AAK1: variants seen among roughly 807,000 people sequenced by gnomAD.
The protein encoded by AAK1 is AP2-associated protein kinase 1.
A neutral mutation model predicts 116.0 loss-of-function variants in AAK1; 37 were observed. That is an observed-to-expected ratio of 0.32 (90% confidence interval 0.25 to 0.42). AAK1 has a LOEUF of 0.42. Ranked by LOEUF, AAK1 falls within the 10% of genes least tolerant of loss-of-function variation. AAK1 has a pLI of 1.00. For missense variants in AAK1, 919 were observed against 1,170.6 expected, an observed-to-expected ratio of 0.79 and a Z score of 3.14; for synonymous variants, 458 against 439.9, an observed-to-expected ratio of 1.04 and a Z score of -0.51.
In AAK1 at chr2:69,466,688, T is replaced by A. The variant is rs1019539594; in HGVS notation, c.*9181A>T. On this transcript the variant is annotated 3_prime_UTR_variant, in exon 22 of 22. Transcript: ENST00000409085. ...AAATGCAACAGGAAAAACATAAAAA[T>A]AAAAGTCAGGCAAGGAAACTGCACA... 7.2e-6 allele frequency: 8 copies of A among 1,107,564 alleles called. No homozygotes were observed. The highest frequency in any genetic ancestry group is 8.9e-6 in the Non-Finnish European group (8 of 900,540). 68.6% of individuals were successfully genotyped at this position (1,107,564 alleles called of 1,614,324 possible).
At chr2:69,585,869 C>T (rs556622963) in intron 2 of AAK1, among the ~76,000 whole-genome samples, 16 of 152,224 alleles carry the variant, frequency 1.1e-4, no homozygotes, top group African/African-American at 3.9e-4. Context: ...CCATATTTTA[C>T]AGATGTGGAA....
rs544518790 is a variant in AAK1, at chr2:69,595,507, C to T, written c.164-38529G>A. On this transcript the variant is annotated intron_variant, in intron 2 of 21. Transcript: ENST00000409085. ...ACAAACCTGCCAAAACATTCCCTTA[C>T]GCCAAAGTCTAATCTAGAGCTAGGC... Among the ~76,000 whole-genome samples the T allele has an allele frequency of 5.3e-5, 8 of 152,316 alleles. No homozygotes were observed. The East Asian group carries it at 1.4e-3, about 26-fold the overall frequency.
intron 11 of AAK1, 92 bp from the exon 12 acceptor site, chr2:69,519,332 A>G: frequency 6.9e-7 from 1 of 1,444,148 alleles, no homozygotes; most frequent in African/African-American, 1.4e-5. Context: ...AGGGGGTGAC[A>G]AGTGTGCAGA....
At chr2:69,514,828 A>C in intron 12 of AAK1, 79 bp from the exon 13 acceptor site, 2 of 1,445,418 alleles carry the variant, frequency 1.4e-6, no homozygotes, top group Non-Finnish European at 1.8e-6. Flanking sequence ...AAAAACAATG[A>C]AGACCAGTGC....
At position 69,505,305 on chromosome 2, in the gene AAK1, A is replaced by T. The variant is rs1032606018; in HGVS notation, c.2269+264T>A. 2.6e-5 allele frequency among the ~76,000 whole-genome samples: 4 copies of T among 152,236 alleles called. No homozygotes were observed. The South Asian group carries it at 8.3e-4, about 31-fold the overall frequency. On this transcript the variant is annotated intron_variant, in intron 16 of 21. Coordinates refer to ENST00000409085, the MANE Select transcript of AAK1 (RefSeq NM_014911.5). ...TAAGACGTGCCTGTGGACTAGAGAGAACAAGTCCTGCATATTACTGCCAGA... is the reference window on the plus strand; with the variant it reads ...TAAGACGTGCCTGTGGACTAGAGAGTACAAGTCCTGCATATTACTGCCAGA...
At chr2:69,485,978 A>C (rs1258933163) in intron 17 of AAK1, among the ~76,000 whole-genome samples, 2 of 151,274 alleles carry the variant, frequency 1.3e-5, no homozygotes, top group East Asian at 3.9e-4. Context: ...TTTAAGAGAC[A>C]GGATAGTGCT....
intron 2 of AAK1, among the ~76,000 whole-genome samples, chr2:69,581,006 T>A (rs1284206796): frequency 4.0e-5 from 6 of 149,024 alleles, no homozygotes; most frequent in Non-Finnish European, 8.9e-5. Context: ...TTTTTTTTTT[T>A]ATAGAAGTAC....
chr2:69,476,078 CA>C, intron 21 of AAK1, 115 bp from the exon 22 acceptor site: 4 of 1,468,060 alleles, frequency 2.7e-6, no homozygotes, highest in Non-Finnish European at 3.6e-6. Context: ...AAAAAAAAAC[CA>C]AAAAAACCAA....
intron 17 of AAK1, among the ~76,000 whole-genome samples, chr2:69,489,692 G>T (rs1451365230): frequency 3.3e-5 from 5 of 152,124 alleles, no homozygotes; most frequent in Non-Finnish European, 7.3e-5. Flanking sequence ...GAAGTCTCAT[G>T]ACGAGAGATG....
At chr2:69,563,209 G>T (rs1671719744) in intron 2 of AAK1, among the ~76,000 whole-genome samples, 1 of 152,140 alleles carries the variant, frequency 6.6e-6, no homozygotes, top group Non-Finnish European at 1.5e-5. Context: ...CATGGTAGAG[G>T]GTGCCAAGTC....
intron 20 of AAK1, 74 bp downstream of exon 20, chr2:69,478,877 A>G (rs962495181): frequency 5.5e-6 from 7 of 1,267,922 alleles, no homozygotes; most frequent in Middle Eastern, 1.9e-4. Flanking sequence ...TTTTGATAAG[A>G]AAAACTTTCA....
chr2:69,554,104 C>T (rs927501717), intron 3 of AAK1, among the ~76,000 whole-genome samples: 4 of 151,524 alleles, frequency 2.6e-5, no homozygotes, highest in African/African-American at 7.3e-5. Context: ...ACTGGAGGAT[C>T]GGCTCCAACA....
intron 17 of AAK1, among the ~76,000 whole-genome samples, chr2:69,493,599 C>T (rs1309932492): frequency 3.3e-5 from 5 of 152,174 alleles, no homozygotes; most frequent in Non-Finnish European, 7.3e-5. Context: ...TGAATACAGA[C>T]AGTGTCGTTG....
At chr2:69,502,298 A>C (rs902858197) in intron 16 of AAK1, among the ~76,000 whole-genome samples, 1 of 152,172 alleles carries the variant, frequency 6.6e-6, no homozygotes, top group African/African-American at 2.4e-5. Context: ...CAAACAATAC[A>C]ATCTCAAAGA....
intron 2 of AAK1, among the ~76,000 whole-genome samples, chr2:69,603,909 A>G (rs1242338589): frequency 6.6e-6 from 1 of 152,228 alleles, no homozygotes; most frequent in Non-Finnish European, 1.5e-5. Context: ...AACCTGATGC[A>G]CTGATGCTGT....
chr2:69,643,343 A>AG, intron 1 of AAK1, 69 bp from the exon 2 acceptor site: 1 of 1,235,724 alleles, frequency 8.1e-7, no homozygotes, highest in Non-Finnish European at 1.0e-6. Flanking sequence ...GCTGAGTCCT[A>AG]GGGGGAGCAA....
Position 69,472,731 on chromosome 2 carries a change from AC to A in AAK1, c.*3137del. 1 of 985,460 alleles carries A rather than the reference AC, an allele frequency of 1.0e-6. No individual in the cohort carries two copies. The highest frequency in any genetic ancestry group is 1.2e-6 in the Non-Finnish European group (1 of 829,926). 61.0% of individuals were successfully genotyped at this position (985,460 alleles called of 1,614,324 possible). ...TAGCTGGAATAAAAGCAAATCAGAA[AC>A]ATATGCTTATAGTATTTGCCCGTTT... is the stretch of plus-strand genomic sequence containing the variant. On this transcript the variant is annotated 3_prime_UTR_variant, in exon 22 of 22. Coordinates refer to ENST00000409085, the MANE Select transcript of AAK1 (RefSeq NM_014911.5).
At chr2:69,613,479 G>C (rs529592885) in intron 2 of AAK1, among the ~76,000 whole-genome samples, 2 of 152,268 alleles carry the variant, frequency 1.3e-5, no homozygotes, top group South Asian at 4.1e-4. Flanking sequence ...GTAGCTTCCG[G>C]ATGGGGGCTG....
rs116415204 is a variant in AAK1 at position 69,542,235 on chromosome 2, C to T, written c.534+288G>A. Among the ~76,000 whole-genome samples, 1,283 of 152,274 alleles carry T rather than the reference C, an allele frequency of 8.4e-3. 16 individuals are homozygous for T. Among genetic ancestry groups the T allele is most frequent in the African/African-American group, 0.029 (1,205 of 41,542 alleles). ...CTAAGTATTTAAATTAAAAGTATTA[C>T]TTTTCACAATCCTGAAAAAGTGGGG... is the stretch of plus-strand genomic sequence containing the variant. On this transcript the variant is annotated intron_variant, in intron 5 of 21. Transcript: ENST00000409085.
Sources: allele counts gnomAD v4.1 joint callset (sites outside exome capture counted in the v4.1 genomes callset), GRCh38; gene constraint gnomAD v4.1.1; transcripts MANE v1.5; gene names NCBI Gene and HGNC (gene_info 2026-07-23, HGNC 2026-07-21).